Variants in ANKH observed in about 807,000 individuals in gnomAD.
The protein encoded by ANKH is ANKH inorganic pyrophosphate transport regulator.
ANKH carries 15 observed loss-of-function variants against 49.0 expected under a neutral mutation model. That is an observed-to-expected ratio of 0.31 (90% CI 0.20 to 0.47). The LOEUF is 0.47. Ranked by LOEUF, ANKH falls within the 20% of genes least tolerant of loss-of-function variation. The pLI is 1.00. For synonymous variants in ANKH, 273 were observed against 260.0 expected (o/e 1.05, Z -0.48); for missense variants, 429 against 652.0 (o/e 0.66, Z 3.72).
At chr5:14,718,735 G>A (rs1231535031) in intron 8 of ANKH, among the ~76,000 whole-genome samples, 4 of 151,710 alleles carry the variant, frequency 2.6e-5, no homozygotes, top group Non-Finnish European at 5.9e-5. Flanking sequence ...GCTTGAACCC[G>A]GGAGACGGAG....
In ANKH at chr5:14,710,749, C is replaced by CAAATCAAAGGAAGCCGAGTTTT. The variant is rs1737143241; in HGVS notation, c.*426_*447dup. On this transcript the variant is annotated 3_prime_UTR_variant, in exon 12 of 12. Transcript: ENST00000284268. ...TTTGTACGGCCATGTGACTGGGAAG[C>CAAATCAAAGGAAGCCGAGTTTT]AAATCAAAGGAAGCCGAGTTTTAAC... 1 of 198,550 alleles carries CAAATCAAAGGAAGCCGAGTTTT rather than the reference C, an allele frequency of 5.0e-6. No individual in the cohort carries two copies. The highest frequency in any genetic ancestry group is 8.6e-5 in the South Asian group (1 of 11,640). The allele number at this position is 198,550 out of a possible 1,614,324, so 12.3% of individuals were successfully genotyped here. A position where few individuals can be genotyped will look rare whatever the true frequency, so the allele number is the denominator to read the frequency against.
chr5:14,805,789 C>G (rs896846448), intron 1 of ANKH, among the ~76,000 whole-genome samples: 1 of 152,038 alleles, frequency 6.6e-6, no homozygotes, highest in Non-Finnish European at 1.5e-5. Flanking sequence ...GAGACATTCA[C>G]CTTCCCTTGC....
chr5:14,728,256 CTG>C (rs947835970), intron 8 of ANKH, among the ~76,000 whole-genome samples: 2 of 152,248 alleles, frequency 1.3e-5, no homozygotes, highest in African/African-American at 2.4e-5. Context: ...CCTACAGGGA[CTG>C]TGTGACTTGC....
intron 1 of ANKH, among the ~76,000 whole-genome samples, chr5:14,829,538 CT>C (rs1470437085): frequency 6.6e-6 from 1 of 152,124 alleles, no homozygotes; most frequent in Non-Finnish European, 1.5e-5. Context: ...CTACCAAATG[CT>C]TAGGAAGAAT....
chr5:14,803,230 C>T (rs1447475470), intron 1 of ANKH, among the ~76,000 whole-genome samples: 1 of 152,104 alleles, frequency 6.6e-6, no homozygotes, highest in African/African-American at 2.4e-5. Flanking sequence ...GGGCTGAAGG[C>T]CATGGACTTC....
intron 1 of ANKH, among the ~76,000 whole-genome samples, chr5:14,827,095 C>G (rs1561073133): frequency 2.0e-5 from 3 of 152,220 alleles, no homozygotes; most frequent in Non-Finnish European, 4.4e-5. Flanking sequence ...CCTCACCGAC[C>G]TGGGCTAAGC....
intron 1 of ANKH, among the ~76,000 whole-genome samples, chr5:14,813,207 C>A (rs1740937671): frequency 6.6e-6 from 1 of 151,484 alleles, no homozygotes; most frequent in Non-Finnish European, 1.5e-5. Context: ...GGCCACTGCA[C>A]CTCAGCCTGG....
intron 5 of ANKH, among the ~76,000 whole-genome samples, chr5:14,750,306 C>G (rs991825197): frequency 6.6e-6 from 1 of 152,174 alleles, no homozygotes; most frequent in Non-Finnish European, 1.5e-5. Context: ...TTTATACTTA[C>G]AACAAACAGA....
intron 1 of ANKH, among the ~76,000 whole-genome samples, chr5:14,805,710 T>C (rs544095965): frequency 5.9e-5 from 9 of 152,150 alleles, no homozygotes; most frequent in African/African-American, 2.2e-4. Context: ...TAGCTCACAC[T>C]GATTACCTGA....
intron 1 of ANKH, among the ~76,000 whole-genome samples, chr5:14,787,460 T>C (rs1206376954): frequency 6.6e-6 from 1 of 152,172 alleles, no homozygotes; most frequent in Non-Finnish European, 1.5e-5. Flanking sequence ...AGCAGAGATA[T>C]AGCTAGAGAC....
intron 8 of ANKH, among the ~76,000 whole-genome samples, chr5:14,736,769 G>A (rs1005950777): frequency 7.9e-5 from 12 of 152,104 alleles, no homozygotes; most frequent in Non-Finnish European, 1.3e-4. Flanking sequence ...CGTGTAGTTC[G>A]TGCACTGCAC....
At chr5:14,815,174 T>A (rs929309924) in intron 1 of ANKH, among the ~76,000 whole-genome samples, 1 of 152,156 alleles carries the variant, frequency 6.6e-6, no homozygotes, top group Non-Finnish European at 1.5e-5. Context: ...ACTTTCCATA[T>A]CCTCCACCTA....
chr5:14,864,346 C>T (rs1220435045), intron 1 of ANKH, among the ~76,000 whole-genome samples: 2 of 152,204 alleles, frequency 1.3e-5, no homozygotes, highest in Non-Finnish European at 2.9e-5. Context: ...CATCAAACCA[C>T]CTCAATAAAT....
intron 1 of ANKH, among the ~76,000 whole-genome samples, chr5:14,822,387 T>C (rs953908617): frequency 6.6e-6 from 1 of 152,200 alleles, no homozygotes; most frequent in East Asian, 1.9e-4. Context: ...ATTACTTCTG[T>C]TGGACAGCTG....
rs541607266 is a variant in ANKH, at chr5:14,712,345, C to T, written c.1365+529G>A. The stretch of plus-strand genomic sequence containing the variant: ...TCGTTCTTCCACCCTCATATACCTC[C>T]CTTTTCTCAGACAATGATGTGGCTT... On this transcript the variant is annotated intron_variant, in intron 11 of 11. Transcript: ENST00000284268. Among the ~76,000 whole-genome samples, 4 of 152,380 alleles carry T rather than the reference C, an allele frequency of 2.6e-5. No homozygotes were observed. The East Asian group carries it at 7.7e-4, about 29-fold the overall frequency.
chr5:14,826,730 T>C (rs748850982), intron 1 of ANKH, among the ~76,000 whole-genome samples: 9 of 152,204 alleles, frequency 5.9e-5, no homozygotes, highest in Non-Finnish European at 1.3e-4. Context: ...GAGAGCAGAT[T>C]TTCATATTAA....
At chr5:14,842,147 A>G (rs1048040836) in intron 1 of ANKH, among the ~76,000 whole-genome samples, 3 of 152,244 alleles carry the variant, frequency 2.0e-5, no homozygotes, top group Non-Finnish European at 4.4e-5. Flanking sequence ...GAGGAAATTT[A>G]TACCACCATT....
chr5:14,711,782 A>G (rs1737217835), intron 11 of ANKH, among the ~76,000 whole-genome samples: 1 of 152,174 alleles, frequency 6.6e-6, no homozygotes, highest in Admixed American at 6.5e-5. Flanking sequence ...TGCCTGTCCT[A>G]GTTCCTGGTC....
intron 1 of ANKH, among the ~76,000 whole-genome samples, chr5:14,784,763 G>A (rs896150896): frequency 2.6e-5 from 4 of 152,168 alleles, no homozygotes; most frequent in Non-Finnish European, 5.9e-5. Flanking sequence ...AAGCTTCCAA[G>A]GAGCTCCCCA....
Sources: gnomAD v4.1 joint callset for allele counts (sites outside exome capture counted in the v4.1 genomes callset) on GRCh38, gnomAD v4.1.1 for gene constraint, MANE v1.5 for transcripts, NCBI Gene and HGNC (gene_info 2026-07-23, HGNC 2026-07-21) for gene names.